BRAF: variants seen among roughly 807,000 people sequenced by gnomAD.
BRAF encodes the protein B-Raf proto-oncogene, serine/threonine kinase.
In BRAF, 16 loss-of-function variants were observed where a neutral mutation model predicts 104.6. The observed-to-expected ratio is 0.15, with a 90% CI of 0.10 to 0.23. The LOEUF (loss-of-function observed/expected upper bound fraction) is 0.23. BRAF is among the 10% of genes least tolerant of loss of function. The pLI, the probability that BRAF is intolerant of heterozygous loss-of-function variation, is 1.00. For missense variants in BRAF, 541 were observed against 937.3 expected (o/e 0.58, Z 5.52); for synonymous variants, 310 against 341.6 (o/e 0.91, Z 1.02).
intron 2 of BRAF, among the ~76,000 whole-genome samples, chr7:140,844,088 A>G (rs1808289870): frequency 6.6e-6 from 1 of 152,192 alleles, no homozygotes. Flanking sequence ...GTCTAACCCT[A>G]GCCAACAGGG....
chr7:140,743,404 T>G (rs1383822232), intron 17 of BRAF, among the ~76,000 whole-genome samples: 1 of 152,114 alleles, frequency 6.6e-6, no homozygotes, highest in South Asian at 2.1e-4. Context: ...TAAAAAATGA[T>G]GAGTTCATGT....
At chr7:140,728,523 G>C (rs919492033) in intron 19 of BRAF, among the ~76,000 whole-genome samples, 1 of 150,178 alleles carries the variant, frequency 6.7e-6, no homozygotes, top group Non-Finnish European at 1.5e-5. Context: ...TTAAAGTTAA[G>C]AGGATTGGGG....
chr7:140,828,345 G>A (rs747225858), intron 3 of BRAF, among the ~76,000 whole-genome samples: 6 of 152,124 alleles, frequency 3.9e-5, no homozygotes, highest in South Asian at 2.1e-4. Flanking sequence ...ATAGTTCAGC[G>A]ATACCTTAAC....
intron 2 of BRAF, among the ~76,000 whole-genome samples, chr7:140,836,849 G>T (rs1562986745): frequency 6.6e-6 from 1 of 152,094 alleles, no homozygotes; most frequent in Non-Finnish European, 1.5e-5. Context: ...GAACACAAAG[G>T]TTCCTCCTGC....
rs1804468543 is a variant in BRAF at position 140,813,176 on chromosome 7, C to T, written c.505-4181G>A. On this transcript the variant is annotated intron_variant, in intron 3 of 19. Transcript: ENST00000644969. ...TAGCAGATGTGTTAGCTTCCTGATA[C>T]ACAAAGAGCTCCTGAAAAATTGAGA... Among the ~76,000 whole-genome samples, 4 of 151,936 alleles carry T rather than the reference C, an allele frequency of 2.6e-5. No homozygotes were observed. The South Asian group carries it at 8.3e-4, about 31-fold the overall frequency.
chr7:140,770,371 C>T (rs1036530357), intron 14 of BRAF, among the ~76,000 whole-genome samples: 3 of 151,976 alleles, frequency 2.0e-5, no homozygotes. Flanking sequence ...GATTTATCTC[C>T]AAATTATTTT....
intron 3 of BRAF, among the ~76,000 whole-genome samples, chr7:140,825,924 A>G (rs114992304): frequency 1.7e-3 from 262 of 152,138 alleles, no homozygotes; most frequent in African/African-American, 6.0e-3. Context: ...AAATCGTTAG[A>G]TTTATGTCAT....
intron 6 of BRAF, 97 bp downstream of exon 6, chr7:140,801,315 G>C (rs1461532534): frequency 3.5e-6 from 5 of 1,411,398 alleles, no homozygotes; most frequent in Non-Finnish European, 4.9e-6. Flanking sequence ...TCGTATGGAA[G>C]AAAAACCCTC....
At chr7:140,919,662 T>G (rs1418643295) in intron 1 of BRAF, among the ~76,000 whole-genome samples, 1 of 151,958 alleles carries the variant, frequency 6.6e-6, no homozygotes, top group Admixed American at 6.6e-5. Flanking sequence ...AACAAAAAAT[T>G]TAAGAAAGAA....
chr7:140,883,790 A>G (rs1813210945), intron 1 of BRAF, among the ~76,000 whole-genome samples: 1 of 152,248 alleles, frequency 6.6e-6, no homozygotes, highest in Non-Finnish European at 1.5e-5. Flanking sequence ...TTACCATTTT[A>G]TGGATTGTCT....
Position 140,910,681 on chromosome 7 carries a change from C to CT in BRAF, c.138+13884dup, listed in dbSNP as rs976715459. Among the ~76,000 whole-genome samples the CT allele has an allele frequency of 3.3e-3, 501 of 151,454 alleles. 3 individuals are homozygous for CT. The highest frequency in any genetic ancestry group is 0.011 in the African/African-American group (468 of 41,294). ...TCAGTCCTAAAGGGGAAAAAATACA[C>CT]TTTTTTTTTGAGAGGGTGACTCCTG... On this transcript the variant is annotated intron_variant, in intron 1 of 19. Coordinates refer to ENST00000644969, the MANE Select transcript of BRAF (RefSeq NM_001374258.1).
chr7:140,843,427 C>T (rs866813422), intron 2 of BRAF, among the ~76,000 whole-genome samples: 1 of 151,964 alleles, frequency 6.6e-6, no homozygotes, highest in South Asian at 2.1e-4. Flanking sequence ...TTTACCTCTA[C>T]GCTTCTTGCT....
chr7:140,761,247 G>C (rs1028219729), intron 14 of BRAF, among the ~76,000 whole-genome samples: 1 of 152,140 alleles, frequency 6.6e-6, no homozygotes. Flanking sequence ...CATTCTTAAA[G>C]AAAACAATTT....
chr7:140,863,604 T>C (rs1810635708), intron 1 of BRAF, among the ~76,000 whole-genome samples: 1 of 152,184 alleles, frequency 6.6e-6, no homozygotes, highest in Non-Finnish European at 1.5e-5. Context: ...ATGTTGGAGG[T>C]GGGGCCTGGT....
chr7:140,871,313 G>A (rs1811570891), intron 1 of BRAF, among the ~76,000 whole-genome samples: 2 of 151,664 alleles, frequency 1.3e-5, no homozygotes, highest in Non-Finnish European at 2.9e-5. Context: ...TAAACCTGGT[G>A]GAAAAGGGTA....
At chr7:140,923,404 A>C (rs1164410541) in intron 1 of BRAF, among the ~76,000 whole-genome samples, 1 of 152,204 alleles carries the variant, frequency 6.6e-6, no homozygotes, top group Non-Finnish European at 1.5e-5. Flanking sequence ...ATTTGTAATA[A>C]ATTTTATGTA....
Position 140,798,262 on chromosome 7 carries a change from C to CTTTTTTTTTTTT in BRAF, c.980+2099_980+2100insAAAAAAAAAAAA, listed in dbSNP as rs1025673669. 1.6e-3 allele frequency among the ~76,000 whole-genome samples: 51 copies of CTTTTTTTTTTTT among 32,478 alleles called. 2 individuals are homozygous for CTTTTTTTTTTTT. The highest frequency in any genetic ancestry group is 4.3e-3 in the East Asian group (5 of 1,174). 21.3% of individuals were successfully genotyped at this position (32,478 alleles called of 152,430 possible). A position where few individuals can be genotyped will look rare whatever the true frequency, so the allele number is the denominator to read the frequency against. On this transcript the variant is annotated intron_variant, in intron 7 of 19. Coordinates refer to ENST00000644969, the MANE Select transcript of BRAF (RefSeq NM_001374258.1). ...TCTAGGACAGAATGCTGTATGGGGA[C>CTTTTTTTTTTTT]TTTTTTTTTCTTTTTTTTGAGACGG...
rs1266068573 is a variant in BRAF, at chr7:140,924,146, G to A, written c.138+420C>T. The stretch of plus-strand genomic sequence containing the variant: ...CCACGACCATGTAAGAATTACACGC[G>A]ACAGTAACTCGGGCTGTTGTCTCAG... On this transcript the variant is annotated intron_variant, in intron 1 of 19. Transcript: ENST00000644969. This position sits in a 1 kb window ranked among gnomAD's most constrained non-coding sequence, Gnocchi z 4.2. Among the ~76,000 whole-genome samples, 1 of 152,106 alleles carries A rather than the reference G, an allele frequency of 6.6e-6. No homozygotes were observed. The highest frequency in any genetic ancestry group is 1.5e-5 in the Non-Finnish European group (1 of 68,014).
At chr7:140,827,918 T>C (rs184419244) in intron 3 of BRAF, among the ~76,000 whole-genome samples, 116 of 152,300 alleles carry the variant, frequency 7.6e-4, no homozygotes, top group Admixed American at 1.4e-3. Context: ...TTTTTTGAGA[T>C]GGAGTTTTGC....
Sources: gnomAD v4.1 joint callset for allele counts (sites outside exome capture counted in the v4.1 genomes callset) on GRCh38, gnomAD v4.1.1 for gene constraint, Gnocchi (gnomAD v3.1) non-coding constraint, MANE v1.5 for transcripts, NCBI Gene and HGNC (gene_info 2026-07-23, HGNC 2026-07-21) for gene names.